FBLN7: variants seen among roughly 807,000 people sequenced by gnomAD.
The protein encoded by FBLN7 is fibulin-7.
FBLN7 carries 31 observed loss-of-function variants against 44.0 expected under a neutral mutation model. That is an observed-to-expected ratio of 0.70 (90% confidence interval 0.53 to 0.95). The LOEUF is 0.95. Among genes scored for constraint, FBLN7 ranks in the 40% least tolerant of loss-of-function variants. The pLI, the probability that FBLN7 is intolerant of heterozygous loss-of-function variation, is 0.00. For synonymous variants in FBLN7, 262 were observed against 253.4 expected, an observed-to-expected ratio of 1.03 and a Z score of -0.32; for missense variants, 573 against 618.5, an observed-to-expected ratio of 0.93 and a Z score of 0.78.
intron 2 of FBLN7, among the ~76,000 whole-genome samples, chr2:112,162,866 A>G (rs1479936561): frequency 6.6e-6 from 1 of 151,962 alleles, no homozygotes; most frequent in Non-Finnish European, 1.5e-5. Context: ...AGACCCTACT[A>G]TTTTCCCCCA....
intron 3 of FBLN7, among the ~76,000 whole-genome samples, chr2:112,166,276 C>G (rs115864656): frequency 6.6e-6 from 1 of 152,164 alleles, no homozygotes; most frequent in Non-Finnish European, 1.5e-5. Context: ...GTCTCCAACT[C>G]CTGGCTTCAA....
intron 3 of FBLN7, among the ~76,000 whole-genome samples, chr2:112,170,475 C>T (rs368395632): frequency 4.2e-5 from 6 of 144,312 alleles, no homozygotes; most frequent in African/African-American, 1.3e-4. Context: ...TGCAGTGAGT[C>T]GAGATCATGC....
the FBLN7 span, among the ~76,000 whole-genome samples, chr2:112,236,946 T>C: frequency 6.6e-6 from 1 of 152,156 alleles, no homozygotes; most frequent in Admixed American, 6.5e-5. Flanking sequence ...GTCCAGCTAC[T>C]CTGGGACTAT....
Position 112,170,544 on chromosome 2 carries a change from A to G in FBLN7, c.407-5170A>G, listed in dbSNP as rs559217964. Reference sequence around the variant, plus strand: ...CCTGTCTCGAAAGTGAAAAAAAAAAAAAAAGAAAAGAAAAGGAAGGAGAAT... The same window carrying G: ...CCTGTCTCGAAAGTGAAAAAAAAAAGAAAAGAAAAGAAAAGGAAGGAGAAT... On this transcript the variant is annotated intron_variant, in intron 3 of 7. Transcript: ENST00000331203. Among the ~76,000 whole-genome samples the G allele has an allele frequency of 1.9e-4, 29 of 151,474 alleles. No homozygotes were observed. In the East Asian group the frequency reaches 4.4e-3, roughly 23 times the overall value.
intron 6 of FBLN7, 42 bp downstream of exon 6, chr2:112,182,970 C>T: frequency 6.2e-7 from 1 of 1,603,748 alleles, no homozygotes; most frequent in South Asian, 1.1e-5. Context: ...CAGCCACCTG[C>T]TGCTGTGCTG....
At chr2:112,155,122 T>G (rs7559210) in intron 1 of FBLN7, among the ~76,000 whole-genome samples, 7,934 of 152,254 alleles carry the variant, frequency 0.052, 365 homozygotes, top group African/African-American at 0.13. Flanking sequence ...GATTATGCTT[T>G]CTTTTTATGA....
chr2:112,178,255 T>TAAA (rs1355810473), intron 4 of FBLN7, among the ~76,000 whole-genome samples: 2 of 56,156 alleles, frequency 3.6e-5, no homozygotes, highest in Non-Finnish European at 7.5e-5. Flanking sequence ...GTACAAGAAA[T>TAAA]ACAAAAAAAA....
intron 1 of FBLN7, among the ~76,000 whole-genome samples, chr2:112,154,635 G>A (rs1259617853): frequency 6.6e-6 from 1 of 152,204 alleles, no homozygotes; most frequent in African/African-American, 2.4e-5. Flanking sequence ...AGCAGCAGGT[G>A]GACAGCCCTT....
At chr2:112,148,031 A>G (rs1680973346) in intron 1 of FBLN7, among the ~76,000 whole-genome samples, 1 of 152,142 alleles carries the variant, frequency 6.6e-6, no homozygotes, top group Admixed American at 6.5e-5. Context: ...CTGACTTCCC[A>G]GCGAAAATCA....
intron 2 of FBLN7, among the ~76,000 whole-genome samples, chr2:112,163,183 G>A (rs577094575): frequency 6.6e-6 from 1 of 152,202 alleles, no homozygotes; most frequent in African/African-American, 2.4e-5. Flanking sequence ...AAGAACCCTA[G>A]GTTGTGTCCG....
intron 2 of FBLN7, among the ~76,000 whole-genome samples, chr2:112,163,659 C>T (rs1405360281): frequency 6.6e-6 from 1 of 152,174 alleles, no homozygotes; most frequent in African/African-American, 2.4e-5. Flanking sequence ...CTGGCCTGAG[C>T]TTCCCTCCCC....
chr2:112,158,397 C>T lies in FBLN7; in HGVS notation c.76-1279C>T, dbSNP rs557427378. ...AGCTGGCACTACAGGCATACATCAC[C>T]GGGCTCGGCTAATTTTTTTGTTTTT... On this transcript the variant is annotated intron_variant, in intron 1 of 7. Transcript: ENST00000331203. Among the ~76,000 whole-genome samples the T allele has an allele frequency of 2.7e-4, 41 of 152,210 alleles. 1 individual carries two copies. Among genetic ancestry groups the T allele is most frequent in the Non-Finnish European group, 4.1e-4 (28 of 68,000 alleles).
the FBLN7 span, among the ~76,000 whole-genome samples, chr2:112,230,408 A>G: frequency 6.6e-6 from 1 of 152,222 alleles, no homozygotes; most frequent in Non-Finnish European, 1.5e-5. Flanking sequence ...GATATTTACA[A>G]GAGTTAGTAT....
At chr2:112,150,477 T>G (rs1681105163) in intron 1 of FBLN7, among the ~76,000 whole-genome samples, 1 of 152,170 alleles carries the variant, frequency 6.6e-6, no homozygotes, top group South Asian at 2.1e-4. Flanking sequence ...ACCTCAGTCC[T>G]CCTGCAATTT....
At chr2:112,144,327 A>AT (rs1209178119) in intron 1 of FBLN7, among the ~76,000 whole-genome samples, 1 of 152,154 alleles carries the variant, frequency 6.6e-6, no homozygotes, top group Non-Finnish European at 1.5e-5. Flanking sequence ...TTTATATTTT[A>AT]TTTTCACATT....
chr2:112,230,539 C>T, the FBLN7 span, among the ~76,000 whole-genome samples: 6 of 151,998 alleles, frequency 3.9e-5, no homozygotes, highest in East Asian at 1.9e-4. Flanking sequence ...TGCATCTACA[C>T]GAATGAATAA....
At chr2:112,200,426 C>T in the FBLN7 span, among the ~76,000 whole-genome samples, 1 of 152,320 alleles carries the variant, frequency 6.6e-6, no homozygotes, top group Admixed American at 6.5e-5. Context: ...CATTCTCCTT[C>T]ATTTCTGCCT....
intron 3 of FBLN7, among the ~76,000 whole-genome samples, chr2:112,165,649 G>A (rs879845872): frequency 1.1e-4 from 16 of 152,134 alleles, no homozygotes; most frequent in Non-Finnish European, 1.6e-4. Context: ...TGGCTGCTCC[G>A]TTCTGGGCCT....
chr2:112,225,868 G>A, the FBLN7 span, among the ~76,000 whole-genome samples: 1 of 151,888 alleles, frequency 6.6e-6, no homozygotes, highest in Non-Finnish European at 1.5e-5. Context: ...GATCACCTGA[G>A]GTCAGGAGCT....
Sources: allele counts gnomAD v4.1 joint callset (sites outside exome capture counted in the v4.1 genomes callset), GRCh38; gene constraint gnomAD v4.1.1; transcripts MANE v1.5; gene names NCBI Gene and HGNC (gene_info 2026-07-23, HGNC 2026-07-21).